Variants in MTOR observed in about 807,000 individuals in gnomAD.
MTOR encodes the protein mechanistic target of rapamycin kinase, also known as serine/threonine-protein kinase mTOR.
MTOR carries 70 observed loss-of-function variants against 319.8 expected under a neutral mutation model. The ratio of observed to expected loss-of-function variants is 0.22; its 90% CI spans 0.18 to 0.27. MTOR has a LOEUF of 0.27. Ranked by LOEUF, MTOR falls within the 10% of genes least tolerant of loss-of-function variation. The pLI is 1.00. For synonymous variants in MTOR, 1,183 were observed against 1,211.4 expected (o/e 0.98, Z 0.49); for missense variants, 1,890 against 3,274.4 (o/e 0.58, Z 10.32).
At chr1:11,114,607 T>C (rs1181529094) in intron 52 of MTOR, 154 bp from the exon 53 acceptor site, 3 of 1,178,146 alleles carry the variant, frequency 2.5e-6, no homozygotes, top group Non-Finnish European at 3.6e-6. Flanking sequence ...AGGGCAGGAC[T>C]GTGATCCACA....
In MTOR at chr1:11,126,694, G is replaced by A. The variant is rs752458445; in HGVS notation, c.6454C>T (p.Arg2152Cys). The change falls in exon 46 of 58, where the codon CGC becomes TGC. Residue 2152 changes from arginine (R) to cysteine (C), a missense_variant. Around this residue, in one of 15 missense-constraint regions of MTOR, gnomAD observed 249 missense variants for 596.2 expected, o/e 0.42. Transcript: ENST00000361445. ...GTYDPNQPII[R>C]IQSIAPSLQV... is the part of the protein sequence containing the mutation. ...AAAGACGGTGCTATGGACTGAATGC[G>A]AATGATTGGCTGGTTGGGGTCATAT... is the stretch of plus-strand genomic sequence containing the variant. 7 of 1,613,864 alleles carry A rather than the reference G, an allele frequency of 4.3e-6. No homozygotes were observed. The African/African-American group carries it at 6.7e-5, about 15-fold the overall frequency.
chr1:11,169,558 TCAC>T (rs1214440365), intron 28 of MTOR, among the ~76,000 whole-genome samples: 2 of 152,222 alleles, frequency 1.3e-5, no homozygotes, highest in African/African-American at 2.4e-5. Context: ...GAGACACATC[TCAC>T]CACATGTGAT....
In MTOR at chr1:11,106,816, T is replaced by G. The variant is rs1168131630; in HGVS notation, c.*669A>C. The G allele has an allele frequency of 3.8e-6, 5 of 1,300,556 alleles. No homozygotes were observed. The African/African-American group carries it at 5.9e-5, about 15-fold the overall frequency. The allele number at this position is 1,300,556 out of a possible 1,614,324, so 80.6% of individuals were successfully genotyped here. A position where few individuals can be genotyped will look rare whatever the true frequency, so the allele number is the denominator to read the frequency against. On this transcript the variant is annotated 3_prime_UTR_variant, in exon 58 of 58. Transcript: ENST00000361445. ...GGTCCCACTGCACAGTGATCCCCTC[T>G]GTGCATCTGCTCAGCCGAGGCTGCC...
intron 57 of MTOR, 99 bp from the exon 58 acceptor site, chr1:11,107,599 C>A (rs2100276790): frequency 7.7e-7 from 1 of 1,306,742 alleles, no homozygotes; most frequent in South Asian, 1.3e-5. Context: ...TCTGACAACC[C>A]TAGGGTATTC....
intron 28 of MTOR, among the ~76,000 whole-genome samples, chr1:11,197,891 G>A (rs1645839078): frequency 6.6e-6 from 1 of 152,206 alleles, no homozygotes; most frequent in Non-Finnish European, 1.5e-5. Flanking sequence ...AGGGAATTCT[G>A]AGGATTTACT....
At chr1:11,230,804 TGCTACACGA>T in intron 18 of MTOR, 112 bp downstream of exon 18, 1 of 1,340,220 alleles carries the variant, frequency 7.5e-7, no homozygotes, top group Non-Finnish European at 1.0e-6. Context: ...ATTCAAAAGT[TGCTACACGA>T]GCCAATATCC....
chr1:11,127,924 C>A lies in MTOR; in HGVS notation c.6033+80G>T, dbSNP rs143008101. 1 of 1,592,660 alleles carries A rather than the reference C, an allele frequency of 6.3e-7. No individual in the cohort carries two copies. The highest frequency in any genetic ancestry group is 2.2e-5 in the East Asian group (1 of 44,748). On this transcript the variant is annotated intron_variant, in intron 43 of 57. Coordinates refer to ENST00000361445, the MANE Select transcript of MTOR (RefSeq NM_004958.4). This position sits in a 1 kb window ranked among gnomAD's most constrained non-coding sequence, Gnocchi z 5.5. ...TCAGAGGAAGTGCACAGCACCAATG[C>A]GAGGAAGAAAAACAATCCCACTTGC...
At chr1:11,250,831 C>T (rs1649575819) in intron 6 of MTOR, among the ~76,000 whole-genome samples, 1 of 152,122 alleles carries the variant, frequency 6.6e-6, no homozygotes, top group South Asian at 2.1e-4. Context: ...CAGTGAATGG[C>T]AACTTCATCC....
intron 50 of MTOR, among the ~76,000 whole-genome samples, chr1:11,116,641 C>G (rs1642182799): frequency 6.6e-6 from 1 of 152,144 alleles, no homozygotes; most frequent in Non-Finnish European, 1.5e-5. Flanking sequence ...TTAAGCCAGA[C>G]TAAGGAGAAA....
intron 28 of MTOR, among the ~76,000 whole-genome samples, chr1:11,187,933 A>C (rs1477461675): frequency 6.6e-6 from 1 of 152,212 alleles, no homozygotes; most frequent in African/African-American, 2.4e-5. Context: ...TGGGTATGTG[A>C]GAAAACAAAC....
intron 9 of MTOR, among the ~76,000 whole-genome samples, chr1:11,242,241 G>C (rs1037111861): frequency 1.3e-5 from 2 of 152,148 alleles, no homozygotes; most frequent in Admixed American, 6.5e-5. Flanking sequence ...GCACACGCCT[G>C]TAGTCCCAGC....
chr1:11,205,073 G>T (rs1646095565), intron 25 of MTOR, among the ~76,000 whole-genome samples: 1 of 152,218 alleles, frequency 6.6e-6, no homozygotes, highest in Non-Finnish European at 1.5e-5. Flanking sequence ...ATCTGACAGT[G>T]AAGAGTCACG....
chr1:11,173,912 CAAG>C lies in MTOR; in HGVS notation c.4254-6398_4254-6396del, dbSNP rs535457713. Reference sequence around the variant, plus strand: ...TCTGGCACTCCATCACGGGAGGCAACAAGAAGAAGATACAAGAAGAAGATACCA... The same window carrying C: ...TCTGGCACTCCATCACGGGAGGCAACAAGAAGATACAAGAAGAAGATACCA... On this transcript the variant is annotated intron_variant, in intron 28 of 57. Transcript: ENST00000361445. Among the ~76,000 whole-genome samples, 828 of 152,216 alleles carry C rather than the reference CAAG, an allele frequency of 5.4e-3. 2 individuals carry two copies. The highest frequency in any genetic ancestry group is 9.0e-3 in the Non-Finnish European group (615 of 68,016).
chr1:11,113,666 A>G (rs1028561676), intron 53 of MTOR, among the ~76,000 whole-genome samples: 4 of 151,956 alleles, frequency 2.6e-5, no homozygotes, highest in Non-Finnish European at 5.9e-5. Flanking sequence ...GCTAGAGTGC[A>G]GCAGTGGCAT....
chr1:11,229,062 C>G (rs1646936242), intron 18 of MTOR, 144 bp from the exon 19 acceptor site: 1 of 1,097,076 alleles, frequency 9.1e-7, no homozygotes, highest in Non-Finnish European at 1.3e-6. Flanking sequence ...GTTGGGAGTT[C>G]AAGGTCTATT....
rs3730379 is a variant in MTOR, at chr1:11,129,134, G to A, written c.5715-183C>T. ...GTGGCAGTGCTCTTGACTGAACACC[G>A]TAAGAGTCACCCTGAGCAAATGAGC... On this transcript the variant is annotated intron_variant, in intron 40 of 57. Coordinates refer to ENST00000361445, the MANE Select transcript of MTOR (RefSeq NM_004958.4). This position sits in a 1 kb window ranked among gnomAD's most constrained non-coding sequence, Gnocchi z 4.7. Among the ~76,000 whole-genome samples the A allele has an allele frequency of 0.059, 8,990 of 152,242 alleles. 378 individuals carry two copies. Among genetic ancestry groups the A allele is most frequent in the South Asian group, 0.12 (601 of 4,826 alleles).
rs201337209 is a variant in MTOR, at chr1:11,193,606, C to T, written c.4253+5652G>A. 2.2e-5 allele frequency: 35 copies of T among 1,603,800 alleles called. No homozygotes were observed. The African/African-American group carries it at 4.1e-4, about 19-fold the overall frequency. On this transcript the variant is annotated intron_variant, in intron 28 of 57. Coordinates refer to ENST00000361445, the MANE Select transcript of MTOR (RefSeq NM_004958.4). Reference sequence around the variant, plus strand: ...TGTTCTGTGACATGGAGACTTCAGGCGGAGGCTGGACCATCATCCAGAGAC... The same window carrying T: ...TGTTCTGTGACATGGAGACTTCAGGTGGAGGCTGGACCATCATCCAGAGAC...
At chr1:11,205,686 C>T (rs950010178) in intron 25 of MTOR, among the ~76,000 whole-genome samples, 7 of 152,130 alleles carry the variant, frequency 4.6e-5, no homozygotes, top group African/African-American at 7.2e-5. Context: ...ATGGCTTAGC[C>T]GGAATAAAGG....
At chr1:11,176,210 G>A (rs903403956) in intron 28 of MTOR, among the ~76,000 whole-genome samples, 11 of 152,274 alleles carry the variant, frequency 7.2e-5, no homozygotes, top group Middle Eastern at 3.4e-3. Flanking sequence ...CCTCAGTCAC[G>A]GCTCCACAGG....
Sources: allele counts gnomAD v4.1 joint callset (sites outside exome capture counted in the v4.1 genomes callset), GRCh38; gene constraint gnomAD v4.1.1; regional missense constraint gnomAD v4.1.1; non-coding constraint Gnocchi (gnomAD v3.1); transcripts MANE v1.5; gene names NCBI Gene and HGNC (gene_info 2026-07-23, HGNC 2026-07-21).